Variants in ZNF184 observed in about 807,000 individuals in gnomAD.
ZNF184 encodes zinc finger protein 184.
In ZNF184, 16 loss-of-function variants were observed where a neutral mutation model predicts 54.4. That is an observed-to-expected ratio of 0.29 (90% CI 0.20 to 0.45). The LOEUF (loss-of-function observed/expected upper bound fraction) is 0.45, where lower values mean the gene tolerates loss of function less well. Ranked by LOEUF, ZNF184 falls within the 20% of genes least tolerant of loss-of-function variation. ZNF184 has a pLI of 1.00. For missense variants in ZNF184, 681 were observed against 888.2 expected (o/e 0.77, Z 2.97); for synonymous variants, 254 against 295.3 (o/e 0.86, Z 1.43).
chr6:27,404,147 T>TA, the ZNF184 span: 2 of 152,166 alleles, frequency 1.3e-5, no homozygotes, highest in African/African-American at 4.8e-5. Context: ...CAAGTTATGA[T>TA]AACCTACACA....
chr6:27,440,955 A>G, the ZNF184 span, among the ~76,000 whole-genome samples: 1 of 152,150 alleles, frequency 6.6e-6, no homozygotes, highest in Non-Finnish European at 1.5e-5. Context: ...CAGTGAGCCG[A>G]GATCGCGCCA....
chr6:27,450,185 G>T (rs1762683768), downstream of ZNF184, among the ~76,000 whole-genome samples: 1 of 152,162 alleles, frequency 6.6e-6, no homozygotes, highest in Non-Finnish European at 1.5e-5. Context: ...TACACATTAG[G>T]AATTTAAGAA....
chr6:27,455,108 T>C (rs1762823320), intron 5 of ZNF184, among the ~76,000 whole-genome samples: 1 of 152,206 alleles, frequency 6.6e-6, no homozygotes, highest in Non-Finnish European at 1.5e-5. Flanking sequence ...TACAAAACTA[T>C]ACGACATTTT....
chr6:27,433,154 C>T, the ZNF184 span, among the ~76,000 whole-genome samples: 1 of 152,154 alleles, frequency 6.6e-6, no homozygotes, highest in Non-Finnish European at 1.5e-5. Context: ...TCCTGACCCA[C>T]AAATGCATGA....
the ZNF184 span, among the ~76,000 whole-genome samples, chr6:27,442,812 G>GAA: frequency 0.018 from 935 of 52,602 alleles, 110 homozygotes; most frequent in Admixed American, 0.033. Context: ...GAGAAAGAAA[G>GAA]AGAAAGAAAG....
chr6:27,405,596 GACTTAT>G, the ZNF184 span: 1 of 152,252 alleles, frequency 6.6e-6, no homozygotes, highest in Non-Finnish European at 1.5e-5. Flanking sequence ...GCTGCTAAGG[GACTTAT>G]ACTTAGCGTA....
chr6:27,469,650 A>C (rs76284149), intron 2 of ZNF184, among the ~76,000 whole-genome samples: 5,768 of 152,158 alleles, frequency 0.038, 338 homozygotes, highest in African/African-American at 0.12. Flanking sequence ...CAAAAACAAA[A>C]AAAAAAAATT....
downstream of ZNF184, among the ~76,000 whole-genome samples, chr6:27,448,769 T>C (rs1762666802): frequency 1.3e-5 from 2 of 152,176 alleles, no homozygotes; most frequent in South Asian, 4.2e-4. Flanking sequence ...ATTTCCTTTT[T>C]TTTTTTCCCC....
chr6:27,465,311 T>TGG (rs1461333187), intron 3 of ZNF184, among the ~76,000 whole-genome samples: 2 of 150,524 alleles, frequency 1.3e-5, no homozygotes, highest in African/African-American at 2.4e-5. Context: ...AGGGAAACCC[T>TGG]GTCTCGACTA....
chr6:27,465,589 A>G, intron 3 of ZNF184, among the ~76,000 whole-genome samples: 1 of 151,952 alleles, frequency 6.6e-6, no homozygotes, highest in Non-Finnish European at 1.5e-5. Flanking sequence ...AAAAATATAT[A>G]AAAATATATA....
intron 3 of ZNF184, among the ~76,000 whole-genome samples, chr6:27,459,066 C>T (rs373932102): frequency 6.6e-6 from 1 of 151,998 alleles, no homozygotes; most frequent in Non-Finnish European, 1.5e-5. Flanking sequence ...ATTGTGCTTA[C>T]TAGAGGCTGG....
downstream of ZNF184, among the ~76,000 whole-genome samples, chr6:27,448,764 CTTT>C (rs10603749): frequency 0.011 from 1,616 of 150,186 alleles, 24 homozygotes; most frequent in African/African-American, 0.036. Context: ...AATGCATTTC[CTTT>C]TTTTTTTTCC....
the ZNF184 span, among the ~76,000 whole-genome samples, chr6:27,444,467 T>C: frequency 6.6e-6 from 1 of 152,136 alleles, no homozygotes; most frequent in African/African-American, 2.4e-5. Context: ...AAACATACTA[T>C]AACATTGAAT....
chr6:27,411,149 C>T, the ZNF184 span, among the ~76,000 whole-genome samples: 2 of 152,120 alleles, frequency 1.3e-5, no homozygotes, highest in Non-Finnish European at 2.9e-5. Flanking sequence ...CAAGATGGTG[C>T]CTTGTTGCAC....
intron 3 of ZNF184, among the ~76,000 whole-genome samples, chr6:27,465,016 C>CAAAAAAAAAAAAAAAAAAAAAA (rs61602778): frequency 2.9e-4 from 14 of 48,908 alleles, no homozygotes; most frequent in African/African-American, 5.8e-4. Flanking sequence ...GACTCTGTCT[C>CAAAAAAAAAAAAAAAAAAAAAA]AAAAAAAAAA....
the ZNF184 span, among the ~76,000 whole-genome samples, chr6:27,424,289 G>A: frequency 3.3e-5 from 5 of 152,308 alleles, no homozygotes; most frequent in African/African-American, 9.6e-5. Context: ...AAAGTAGTGT[G>A]AGCACAAAGA....
At chr6:27,424,347 C>A in the ZNF184 span, among the ~76,000 whole-genome samples, 2 of 152,172 alleles carry the variant, frequency 1.3e-5, no homozygotes, top group Non-Finnish European at 2.9e-5. Flanking sequence ...ACAAAGCTTC[C>A]ACAGGGTACA....
intron 3 of ZNF184, among the ~76,000 whole-genome samples, chr6:27,467,003 A>ATC (rs1223535427): frequency 6.6e-6 from 1 of 152,158 alleles, no homozygotes; most frequent in African/African-American, 2.4e-5. Context: ...GCCATAATCC[A>ATC]TCTCTTCCAA....
At chr6:27,468,418 T>C (rs1763195734) in intron 2 of ZNF184, among the ~76,000 whole-genome samples, 2 of 152,210 alleles carry the variant, frequency 1.3e-5, no homozygotes, top group Admixed American at 1.3e-4. Context: ...AATTAGAACT[T>C]TTTAGATTGG....
Sources: gnomAD v4.1 joint callset for allele counts (sites outside exome capture counted in the v4.1 genomes callset) on GRCh38, gnomAD v4.1.1 for gene constraint, MANE v1.5 for transcripts, NCBI Gene and HGNC (gene_info 2026-07-23, HGNC 2026-07-21) for gene names.